Variants in ESRRB observed in about 807,000 individuals in gnomAD.
ESRRB encodes the protein estrogen related receptor beta.
In ESRRB, 16 loss-of-function variants were observed where a neutral mutation model predicts 46.0. The observed-to-expected ratio is 0.35, with a 90% CI of 0.24 to 0.53. ESRRB has a LOEUF of 0.53. ESRRB is among the 20% of genes least tolerant of loss of function. The probability of loss-of-function intolerance (pLI) is 0.93; values close to 1 mark genes in which losing one functional copy is unlikely to be tolerated. For missense variants in ESRRB, 488 were observed against 607.4 expected (o/e 0.80, Z 2.07); for synonymous variants, 246 against 259.6 (o/e 0.95, Z 0.50).
chr14:76,465,953 C>T (rs933010308), intron 3 of ESRRB, among the ~76,000 whole-genome samples: 1 of 152,220 alleles, frequency 6.6e-6, no homozygotes, highest in African/African-American at 2.4e-5. Context: ...GAGGAGCATC[C>T]TCCTTCAACA....
intron 1 of ESRRB, among the ~76,000 whole-genome samples, chr14:76,430,648 GTGAT>G (rs1039704011): frequency 2.0e-5 from 3 of 152,226 alleles, no homozygotes; most frequent in Non-Finnish European, 2.9e-5. Context: ...AGGAGGTGCT[GTGAT>G]TGAGCCCATT....
At chr14:76,398,496 C>T (rs1318520617) in intron 1 of ESRRB, among the ~76,000 whole-genome samples, 2 of 152,146 alleles carry the variant, frequency 1.3e-5, no homozygotes, top group Non-Finnish European at 2.9e-5. Context: ...TGCTTTGCTG[C>T]TTACCACCTT....
Position 76,499,596 on chromosome 14 carries a change from G to A in ESRRB, c.*1138G>A. Reference sequence around the variant, plus strand: ...CTAGTGTACCAGTGCCACAGGAGGGGTGCCCTCCTACCACACTTGGGCTAC... The same window carrying A: ...CTAGTGTACCAGTGCCACAGGAGGGATGCCCTCCTACCACACTTGGGCTAC... On this transcript the variant is annotated 3_prime_UTR_variant, in exon 7 of 7. Transcript: ENST00000644823. 1.9e-6 allele frequency: 1 copy of A among 540,526 alleles called. No individual in the cohort carries two copies. Among genetic ancestry groups the A allele is most frequent in the South Asian group, 2.0e-5 (1 of 50,402 alleles). 33.5% of individuals were successfully genotyped at this position (540,526 alleles called of 1,614,324 possible).
chr14:76,419,212 G>A (rs1358102183), intron 1 of ESRRB, among the ~76,000 whole-genome samples: 1 of 151,820 alleles, frequency 6.6e-6, no homozygotes, highest in Non-Finnish European at 1.5e-5. Flanking sequence ...ATGGGGTTTC[G>A]CCATGTTGGC....
At chr14:76,435,618 T>C (rs537227921) in intron 1 of ESRRB, among the ~76,000 whole-genome samples, 58 of 152,244 alleles carry the variant, frequency 3.8e-4, no homozygotes, top group Admixed American at 1.4e-3. Flanking sequence ...TCACCTGAAG[T>C]CAGGAGTTCG....
intron 1 of ESRRB, among the ~76,000 whole-genome samples, chr14:76,328,462 G>A (rs1248121164): frequency 6.6e-6 from 1 of 152,180 alleles, no homozygotes; most frequent in Non-Finnish European, 1.5e-5. Context: ...AGTGCCGCAG[G>A]CAGCCTTTAA....
intron 1 of ESRRB, among the ~76,000 whole-genome samples, chr14:76,334,672 A>G (rs1049598898): frequency 6.6e-6 from 1 of 152,192 alleles, no homozygotes; most frequent in Non-Finnish European, 1.5e-5. Flanking sequence ...CCCCGAAGAC[A>G]TTAAAGATGT....
intron 1 of ESRRB, among the ~76,000 whole-genome samples, chr14:76,389,008 A>G (rs751894096): frequency 7.9e-5 from 12 of 152,140 alleles, no homozygotes; most frequent in Non-Finnish European, 1.5e-4. Context: ...AAACCTGCTT[A>G]TCCTCATGTC....
intron 2 of ESRRB, among the ~76,000 whole-genome samples, chr14:76,440,833 G>T (rs1887893217): frequency 6.6e-6 from 1 of 152,082 alleles, no homozygotes. Context: ...AGGAGTTCAA[G>T]ACTAGCCTGG....
intron 1 of ESRRB, among the ~76,000 whole-genome samples, chr14:76,429,758 TAATAAA>T (rs1887359099): frequency 6.6e-6 from 1 of 151,004 alleles, no homozygotes; most frequent in African/African-American, 2.4e-5. Context: ...CTCAAAAAAA[TAATAAA>T]AATAAAAATA....
intron 2 of ESRRB, among the ~76,000 whole-genome samples, chr14:76,458,241 C>T (rs1376756436): frequency 6.6e-6 from 1 of 152,140 alleles, no homozygotes. Context: ...TTCCTACACG[C>T]TCCTAGGCCC....
intron 2 of ESRRB, among the ~76,000 whole-genome samples, chr14:76,456,045 C>T (rs1221640267): frequency 9.7e-6 from 1 of 103,610 alleles, no homozygotes; most frequent in Non-Finnish European, 2.2e-5. Context: ...CTCGCACACA[C>T]ACACACACAC....
chr14:76,393,758 C>T (rs538993664), intron 1 of ESRRB, among the ~76,000 whole-genome samples: 4 of 152,188 alleles, frequency 2.6e-5, no homozygotes, highest in African/African-American at 9.6e-5. Context: ...CCAGGCTGGC[C>T]GAGGCAAGGG....
In ESRRB at chr14:76,426,975, T is replaced by C. The variant is rs573939961; in HGVS notation, c.51-12366T>C. ...GTGCGAGAAGCCCCCTTGAGTAAAC[T>C]ACAGTGTCAGGGAATCAGGCCATGC... On this transcript the variant is annotated intron_variant, in intron 1 of 6. Coordinates refer to ENST00000644823, the MANE Select transcript of ESRRB (RefSeq NM_001379180.1). Among the ~76,000 whole-genome samples, 7 of 152,332 alleles carry C rather than the reference T, an allele frequency of 4.6e-5. No homozygotes were observed. In the South Asian group the frequency reaches 6.2e-4, roughly 14 times the overall value.
chr14:76,329,892 G>C (rs1162645825), intron 1 of ESRRB, among the ~76,000 whole-genome samples: 1 of 150,802 alleles, frequency 6.6e-6, no homozygotes, highest in Non-Finnish European at 1.5e-5. Flanking sequence ...AATTGTCTTC[G>C]CCAGTGGCGG....
chr14:76,496,705 C>T (rs1227358978), intron 6 of ESRRB, among the ~76,000 whole-genome samples: 3 of 152,134 alleles, frequency 2.0e-5, no homozygotes, highest in Non-Finnish European at 4.4e-5. Flanking sequence ...GCCCTCAGGG[C>T]GACCATGGGT....
In ESRRB at chr14:76,482,104, T is replaced by A; in HGVS notation, c.666T>A (p.Ile222=). 1 of 1,614,156 alleles carries A rather than the reference T, an allele frequency of 6.2e-7. No homozygotes were observed. Among genetic ancestry groups the A allele is most frequent in the Non-Finnish European group, 8.5e-7 (1 of 1,180,000 alleles). The stretch of plus-strand genomic sequence containing the variant: ...GCAGCCCATACCTGAGCTTACAAAT[T>A]TCTCCACCTGCTAAAAAGCCATGTG... The part of the protein sequence containing the change: ...SESSPYLSLQ[I]SPPAKKPLTK... The change falls in exon 4 of 7, where the codon ATT becomes ATA. Residue 222 remains isoleucine, a synonymous_variant. Transcript: ENST00000644823. This position sits in a 1 kb window ranked among gnomAD's most constrained non-coding sequence, Gnocchi z 4.3.
At chr14:76,489,291 A>C (rs760646508) in intron 5 of ESRRB, among the ~76,000 whole-genome samples, 9 of 151,930 alleles carry the variant, frequency 5.9e-5, no homozygotes, top group African/African-American at 2.2e-4. Context: ...GCTGATTGGT[A>C]TCTGTTAATT....
At chr14:76,422,074 G>T (rs1233921346) in intron 1 of ESRRB, among the ~76,000 whole-genome samples, 1 of 152,142 alleles carries the variant, frequency 6.6e-6, no homozygotes, top group Non-Finnish European at 1.5e-5. Context: ...GCCAAGGGCA[G>T]TCCTGGTGGC....
Sources: gnomAD v4.1 joint callset for allele counts (sites outside exome capture counted in the v4.1 genomes callset) on GRCh38, gnomAD v4.1.1 for gene constraint, Gnocchi (gnomAD v3.1) non-coding constraint, MANE v1.5 for transcripts, NCBI Gene and HGNC (gene_info 2026-07-23, HGNC 2026-07-21) for gene names.